KCNIP4: variants seen among roughly 807,000 people sequenced by gnomAD.
KCNIP4 encodes the protein potassium voltage-gated channel interacting protein 4, also known as Kv channel-interacting protein 4.
Under a neutral mutation model 34.0 loss-of-function variants are expected in KCNIP4, and 12 were observed. The observed-to-expected ratio is 0.35, with a 90% confidence interval of 0.23 to 0.57. The LOEUF (loss-of-function observed/expected upper bound fraction) is 0.57. Ranked by LOEUF, KCNIP4 falls within the 20% of genes least tolerant of loss-of-function variation. The pLI is 0.83. For synonymous variants in KCNIP4, 124 were observed against 102.2 expected, an observed-to-expected ratio of 1.21 and a Z score of -1.29; for missense variants, 238 against 311.7, an observed-to-expected ratio of 0.76 and a Z score of 1.78.
At chr4:21,806,355 T>C (rs765612032) in intron 1 of KCNIP4, among the ~76,000 whole-genome samples, 4 of 152,240 alleles carry the variant, frequency 2.6e-5, no homozygotes, top group Admixed American at 6.5e-5. Flanking sequence ...TTTACAATTC[T>C]GTATTTATTT....
intron 1 of KCNIP4, among the ~76,000 whole-genome samples, chr4:21,312,448 G>A (rs1024212954): frequency 1.3e-5 from 2 of 152,150 alleles, no homozygotes; most frequent in African/African-American, 4.8e-5. Flanking sequence ...ACCACACTGT[G>A]AGAAACACTG....
At chr4:21,247,422 A>T (rs1560211970) in intron 1 of KCNIP4, among the ~76,000 whole-genome samples, 1 of 151,844 alleles carries the variant, frequency 6.6e-6, no homozygotes, top group East Asian at 1.9e-4. Context: ...GGGTTTGAAC[A>T]TTGCAATGGA....
At chr4:21,244,427 A>T (rs1760059806) in intron 1 of KCNIP4, among the ~76,000 whole-genome samples, 1 of 152,230 alleles carries the variant, frequency 6.6e-6, no homozygotes, top group African/African-American at 2.4e-5. Flanking sequence ...TCAGATAGAC[A>T]AATGTTTACT....
chr4:21,733,081 CA>C (rs1414453163), intron 1 of KCNIP4, among the ~76,000 whole-genome samples: 3 of 152,162 alleles, frequency 2.0e-5, no homozygotes, highest in Non-Finnish European at 4.4e-5. Context: ...CAACGCTGAG[CA>C]AGAGTATAAG....
intron 1 of KCNIP4, among the ~76,000 whole-genome samples, chr4:20,939,265 C>G (rs1731389876): frequency 6.6e-6 from 1 of 152,150 alleles, no homozygotes; most frequent in South Asian, 2.1e-4. Flanking sequence ...TTTGCTATCT[C>G]CTTGCTGAAA....
chr4:21,460,093 T>C (rs1729317484), intron 1 of KCNIP4, among the ~76,000 whole-genome samples: 1 of 129,070 alleles, frequency 7.7e-6, no homozygotes, highest in African/African-American at 2.5e-5. Flanking sequence ...CCTTGCAAAA[T>C]CTGCCCCCCG....
intron 2 of KCNIP4, among the ~76,000 whole-genome samples, chr4:20,858,828 A>G (rs1227244171): frequency 5.9e-5 from 9 of 152,208 alleles, no homozygotes. Flanking sequence ...GCTACATTTT[A>G]CAAGAAGTCA....
At chr4:21,381,861 G>C (rs898246239) in intron 1 of KCNIP4, among the ~76,000 whole-genome samples, 3 of 152,144 alleles carry the variant, frequency 2.0e-5, no homozygotes, top group Admixed American at 6.6e-5. Context: ...ATACAGCAGT[G>C]AGCGCAAAGA....
intron 1 of KCNIP4, among the ~76,000 whole-genome samples, chr4:21,117,457 A>G (rs1390480612): frequency 6.6e-6 from 1 of 152,146 alleles, no homozygotes; most frequent in Non-Finnish European, 1.5e-5. Context: ...TTTTTAATAG[A>G]TAGGTTCTGA....
chr4:21,731,869 C>A lies in KCNIP4; in HGVS notation c.61+216702G>T, dbSNP rs1036724474. Among the ~76,000 whole-genome samples the A allele has an allele frequency of 5.3e-5, 8 of 152,006 alleles. No individual in the cohort carries two copies. The South Asian group carries it at 8.3e-4, about 16-fold the overall frequency. ...GACAACTTGGCTAAATACATATGGACCTCCACCAAAAAATCAGAACAGCTA... is the reference window on the plus strand; with the variant it reads ...GACAACTTGGCTAAATACATATGGAACTCCACCAAAAAATCAGAACAGCTA... On this transcript the variant is annotated intron_variant, in intron 1 of 8. Coordinates refer to ENST00000382152, the MANE Select transcript of KCNIP4 (RefSeq NM_025221.6).
chr4:21,336,829 T>C (rs1402475935), intron 1 of KCNIP4, among the ~76,000 whole-genome samples: 5 of 152,108 alleles, frequency 3.3e-5, no homozygotes, highest in South Asian at 2.1e-4. Context: ...TTTATGATGC[T>C]CTCTGGGAGC....
chr4:20,867,287 A>G (rs529851430), intron 2 of KCNIP4, among the ~76,000 whole-genome samples: 10 of 152,118 alleles, frequency 6.6e-5, no homozygotes, highest in Non-Finnish European at 1.2e-4. Flanking sequence ...CTATAAAGCC[A>G]CAGTAACTAA....
At chr4:20,967,183 A>G (rs1734437456) in intron 1 of KCNIP4, among the ~76,000 whole-genome samples, 1 of 152,190 alleles carries the variant, frequency 6.6e-6, no homozygotes, top group Non-Finnish European at 1.5e-5. Flanking sequence ...CAAAGTATGC[A>G]TGATTATTGG....
intron 1 of KCNIP4, among the ~76,000 whole-genome samples, chr4:21,257,939 C>T (rs947609062): frequency 6.6e-6 from 1 of 151,996 alleles, no homozygotes; most frequent in Non-Finnish European, 1.5e-5. Context: ...AGTAGCAAGC[C>T]GTTCTGATTG....
intron 1 of KCNIP4, among the ~76,000 whole-genome samples, chr4:21,841,100 T>G (rs1478955570): frequency 6.6e-6 from 1 of 152,174 alleles, no homozygotes; most frequent in Non-Finnish European, 1.5e-5. Flanking sequence ...AAAATAACTA[T>G]AAAATTATTT....
chr4:21,464,619 G>A (rs989855570), intron 1 of KCNIP4: 2 of 151,934 alleles, frequency 1.3e-5, no homozygotes, highest in African/African-American at 4.8e-5. Context: ...AATCTATCCT[G>A]GGGAATGTTC....
intron 1 of KCNIP4, among the ~76,000 whole-genome samples, chr4:21,714,785 G>GACATTTTATTTTATTTTATTTT (rs939238600): frequency 2.3e-5 from 1 of 43,388 alleles, no homozygotes; most frequent in East Asian, 1.1e-3. Flanking sequence ...ATTTCCCTTT[G>GACATTTTATTTTATTTTATTTT]ATTATTTTAT....
In KCNIP4 at chr4:21,093,943, G is replaced by C. The variant is rs560473150; in HGVS notation, c.62-211234C>G. Among the ~76,000 whole-genome samples, 38 of 152,110 alleles carry C rather than the reference G, an allele frequency of 2.5e-4. No individual in the cohort carries two copies. The East Asian group carries it at 7.4e-3, about 29-fold the overall frequency. On this transcript the variant is annotated intron_variant, in intron 1 of 8. Transcript: ENST00000382152. ...TAAAAATACAAAAAATTAGCCAGGC[G>C]TGGTGGCGGGCGCCTGTAGTCCCAG...
intron 1 of KCNIP4, among the ~76,000 whole-genome samples, chr4:21,907,438 AC>A (rs1560175660): frequency 6.6e-6 from 1 of 152,160 alleles, no homozygotes; most frequent in African/African-American, 2.4e-5. Context: ...GCCAAAATAA[AC>A]CTTTTTATTG....
Sources: allele counts gnomAD v4.1 joint callset (sites outside exome capture counted in the v4.1 genomes callset), GRCh38; gene constraint gnomAD v4.1.1; transcripts MANE v1.5; gene names NCBI Gene and HGNC (gene_info 2026-07-23, HGNC 2026-07-21).